The following SGPP2 variants were observed in gnomAD, a reference collection of about 807,000 sequenced individuals.
SGPP2 encodes the protein sphingosine 1-phosphate phosphohydrolase 2.
Under a neutral mutation model 33.9 loss-of-function variants are expected in SGPP2, and 30 were observed. The observed-to-expected ratio is 0.89, with a 90% confidence interval of 0.66 to 1.20. The LOEUF (loss-of-function observed/expected upper bound fraction) is 1.20, where lower values mean the gene tolerates loss of function less well. Among genes scored for constraint, SGPP2 ranks in the 50% most tolerant of loss-of-function variants. SGPP2 has a pLI of 0.00. For synonymous variants in SGPP2, 233 were observed against 225.0 expected (o/e 1.04, Z -0.32); for missense variants, 458 against 532.1 (o/e 0.86, Z 1.37).
chr2:222,537,480 A>G (rs897762780), intron 4 of SGPP2, among the ~76,000 whole-genome samples: 2 of 152,248 alleles, frequency 1.3e-5, no homozygotes, highest in Non-Finnish European at 2.9e-5. Context: ...ACATGTATGT[A>G]TAGAGATATG....
chr2:222,520,730 A>C (rs1251299827), intron 2 of SGPP2, among the ~76,000 whole-genome samples: 1 of 90,814 alleles, frequency 1.1e-5, no homozygotes, highest in African/African-American at 3.0e-5. Context: ...CTGAAAAAAA[A>C]AAAAAAAAAA....
At chr2:222,447,630 T>A (rs1180972575) in intron 1 of SGPP2, among the ~76,000 whole-genome samples, 1 of 152,202 alleles carries the variant, frequency 6.6e-6, no homozygotes, top group Non-Finnish European at 1.5e-5. Context: ...ATTGTTCCAT[T>A]TGAAGGAGAA....
chr2:222,534,837 A>T (rs975854371), intron 4 of SGPP2, among the ~76,000 whole-genome samples: 7 of 152,198 alleles, frequency 4.6e-5, no homozygotes, highest in African/African-American at 1.7e-4. Context: ...AATTATTTCT[A>T]GTTTCAAAAG....
chr2:222,543,624 A>G lies in SGPP2; in HGVS notation c.649-14723A>G, dbSNP rs180928948. On this transcript the variant is annotated intron_variant, in intron 4 of 4. Transcript: ENST00000321276. ...ATAGCTTATTGTACTGTATTCACCTATTTTTGGACTACAGTTGATCATGGG... is the reference window on the plus strand; with the variant it reads ...ATAGCTTATTGTACTGTATTCACCTGTTTTTGGACTACAGTTGATCATGGG... Among the ~76,000 whole-genome samples the G allele has an allele frequency of 9.1e-4, 139 of 152,306 alleles. 1 individual carries two copies. The Middle Eastern group carries it at 0.014, about 15-fold the overall frequency.
At chr2:222,525,085 C>A in intron 4 of SGPP2, 52 bp downstream of exon 4, 1 of 1,338,154 alleles carries the variant, frequency 7.5e-7, no homozygotes, top group Non-Finnish European at 1.1e-6. Context: ...ATATTGTGGT[C>A]AGTGTGTCAA....
At chr2:222,554,581 C>T (rs1161341869) in intron 4 of SGPP2, among the ~76,000 whole-genome samples, 1 of 152,178 alleles carries the variant, frequency 6.6e-6, no homozygotes. Flanking sequence ...AAATGTTATA[C>T]CATTTTGCAT....
chr2:222,454,625 C>T (rs13395538), intron 1 of SGPP2, among the ~76,000 whole-genome samples: 2 of 151,806 alleles, frequency 1.3e-5, no homozygotes, highest in Admixed American at 1.3e-4. Flanking sequence ...AGCTGAGCTT[C>T]TTAGACTTGA....
At position 222,540,346 on chromosome 2, in the gene SGPP2, C is replaced by T. The variant is rs144228114; in HGVS notation, c.648+15313C>T. 9.2e-5 allele frequency among the ~76,000 whole-genome samples: 14 copies of T among 152,220 alleles called. No individual in the cohort carries two copies. In the East Asian group the frequency reaches 2.7e-3, roughly 29 times the overall value. ...GGTGTAGAATTTTTTCATGTGATGT[C>T]ATGTCAGTATTCAAAAAGTGTTGGA... On this transcript the variant is annotated intron_variant, in intron 4 of 4. Coordinates refer to ENST00000321276, the MANE Select transcript of SGPP2 (RefSeq NM_152386.4).
At chr2:222,468,347 AG>A (rs2106090629) in intron 1 of SGPP2, among the ~76,000 whole-genome samples, 1 of 151,948 alleles carries the variant, frequency 6.6e-6, no homozygotes, top group East Asian at 1.9e-4. Flanking sequence ...AGTAGGCCCT[AG>A]GGTAACATTT....
intron 1 of SGPP2, among the ~76,000 whole-genome samples, chr2:222,436,239 C>T (rs1697238457): frequency 1.3e-5 from 2 of 152,144 alleles, no homozygotes; most frequent in South Asian, 4.1e-4. Context: ...CAGCGTTCCC[C>T]ACTCTGGAAC....
At chr2:222,558,257 A>G in intron 4 of SGPP2, 90 bp from the exon 5 acceptor site, 3 of 1,340,594 alleles carry the variant, frequency 2.2e-6, no homozygotes, top group South Asian at 2.8e-5. Flanking sequence ...TGTGTTTTAA[A>G]TATCAAATTA....
At chr2:222,516,289 G>A (rs924012453) in intron 2 of SGPP2, among the ~76,000 whole-genome samples, 12 of 152,110 alleles carry the variant, frequency 7.9e-5, no homozygotes, top group Admixed American at 2.0e-4. Context: ...CATTTGTCTT[G>A]GTCTGGCTTC....
Position 222,465,170 on chromosome 2 carries a change from T to TC in SGPP2, c.220-9396dup, listed in dbSNP as rs1425269695. On this transcript the variant is annotated intron_variant, in intron 1 of 4. Coordinates refer to ENST00000321276, the MANE Select transcript of SGPP2 (RefSeq NM_152386.4). This position sits in a 1 kb window ranked among gnomAD's most constrained non-coding sequence, Gnocchi z 4.1. ...GTGTGCAGTTCCCTCTCAAGCTGAC[T>TC]CCAATAAGTTGTCCTTACATTTTAT... 6.6e-6 allele frequency among the ~76,000 whole-genome samples: 1 copy of TC among 152,194 alleles called. No homozygotes were observed. Among genetic ancestry groups the TC allele is most frequent in the Non-Finnish European group, 1.5e-5 (1 of 68,034 alleles).
At chr2:222,525,449 AG>A (rs1340380058) in intron 4 of SGPP2, among the ~76,000 whole-genome samples, 1 of 152,174 alleles carries the variant, frequency 6.6e-6, no homozygotes, top group Non-Finnish European at 1.5e-5. Context: ...TTGCAAGGTA[AG>A]GGTCCCACCA....
At chr2:222,523,912 A>G (rs12993806) in intron 3 of SGPP2, among the ~76,000 whole-genome samples, 50,185 of 152,058 alleles carry the variant, frequency 0.33, 8,778 homozygotes, top group Middle Eastern at 0.49. Context: ...AAGAACAGAC[A>G]TGACAACCAG....
In SGPP2 at chr2:222,525,030, C is replaced by G. The variant is rs1698738018; in HGVS notation, c.645C>G (p.Val215=). Residue 215 remains valine (V), a synonymous_variant, in exon 4 of 5, where the codon GTC becomes GTG. Coordinates refer to ENST00000321276, the MANE Select transcript of SGPP2 (RefSeq NM_152386.4). ...LSRLYTGMHT[V]LDVLGGVLIT... ...GGCTCTACACTGGGATGCATACGGTCCTGGTAAGGCTTTGTGGTCAGGTCT... is the reference window on the plus strand; with the variant it reads ...GGCTCTACACTGGGATGCATACGGTGCTGGTAAGGCTTTGTGGTCAGGTCT... 6.2e-7 allele frequency: 1 copy of G among 1,613,356 alleles called. No individual in the cohort carries two copies. Among genetic ancestry groups the G allele is most frequent in the South Asian group, 1.1e-5 (1 of 91,010 alleles).
intron 4 of SGPP2, among the ~76,000 whole-genome samples, chr2:222,551,012 A>G (rs1186546861): frequency 6.6e-6 from 1 of 152,212 alleles, no homozygotes; most frequent in African/African-American, 2.4e-5. Context: ...ATACTTCTCT[A>G]TGGGAAGGAG....
intron 1 of SGPP2, among the ~76,000 whole-genome samples, chr2:222,473,495 C>A (rs941042477): frequency 5.3e-5 from 8 of 152,226 alleles, no homozygotes; most frequent in Middle Eastern, 3.4e-3. Context: ...AGAATAATCT[C>A]CCCATCTCAA....
At chr2:222,506,192 C>G (rs970435765) in intron 2 of SGPP2, among the ~76,000 whole-genome samples, 2 of 152,334 alleles carry the variant, frequency 1.3e-5, no homozygotes, top group East Asian at 3.9e-4. Flanking sequence ...ATCACCTCCA[C>G]GTGAACAGTT....
Sources: gnomAD v4.1 joint callset for allele counts (sites outside exome capture counted in the v4.1 genomes callset) on GRCh38, gnomAD v4.1.1 for gene constraint, Gnocchi (gnomAD v3.1) non-coding constraint, MANE v1.5 for transcripts, NCBI Gene and HGNC (gene_info 2026-07-23, HGNC 2026-07-21) for gene names.